STPG2: variants seen among roughly 807,000 people sequenced by gnomAD.
STPG2 encodes the protein sperm tail PG-rich repeat containing 2.
Under a neutral mutation model 54.2 loss-of-function variants are expected in STPG2, and 56 were observed. The ratio of observed to expected loss-of-function variants is 1.03; its 90% confidence interval spans 0.83 to 1.29. STPG2 has a LOEUF of 1.29. STPG2 is among the 50% of genes most tolerant of loss of function. The pLI is 0.00. For missense variants in STPG2, 596 were observed against 544.9 expected, an observed-to-expected ratio of 1.09 and a Z score of -0.93; for synonymous variants, 200 against 181.8, an observed-to-expected ratio of 1.10 and a Z score of -0.81.
chr4:97,829,866 G>T (rs992669874), intron 9 of STPG2, among the ~76,000 whole-genome samples: 3 of 152,082 alleles, frequency 2.0e-5, no homozygotes, highest in African/African-American at 7.2e-5. Flanking sequence ...AAGAAATATG[G>T]AACTGTGTAA....
intron 9 of STPG2, among the ~76,000 whole-genome samples, chr4:97,813,066 C>T (rs1486855097): frequency 6.6e-6 from 1 of 151,992 alleles, no homozygotes; most frequent in Non-Finnish European, 1.5e-5. Flanking sequence ...TCAAAAATAT[C>T]CCAATCTTAA....
intron 8 of STPG2, among the ~76,000 whole-genome samples, chr4:97,935,060 C>T (rs780191759): frequency 3.3e-5 from 5 of 152,022 alleles, no homozygotes; most frequent in Admixed American, 6.6e-5. Context: ...TTCAAGGATT[C>T]GACTTCTTCC....
chr4:98,100,334 T>G (rs935449067), intron 5 of STPG2, among the ~76,000 whole-genome samples: 2 of 152,186 alleles, frequency 1.3e-5, no homozygotes, highest in African/African-American at 4.8e-5. Context: ...GGATGTTAGA[T>G]AAATATATCA....
At chr4:97,652,926 G>A (rs1426144325) in intron 10 of STPG2, among the ~76,000 whole-genome samples, 1 of 151,982 alleles carries the variant, frequency 6.6e-6, no homozygotes, top group African/African-American at 2.4e-5. Flanking sequence ...ACTAAGAGAG[G>A]AGTTTTTGTC....
At chr4:97,558,789 T>G, downstream of STPG2, 1 of 368,870 alleles carries the variant, frequency 2.7e-6, no homozygotes. Flanking sequence ...TATGAGATAA[T>G]AAATGTTACT....
At chr4:97,693,969 T>C (rs755019313) in intron 10 of STPG2, among the ~76,000 whole-genome samples, 12 of 152,102 alleles carry the variant, frequency 7.9e-5, no homozygotes, top group Non-Finnish European at 1.3e-4. Flanking sequence ...AACTGAATGA[T>C]AATAGTGACA....
chr4:97,906,403 C>A (rs1348279903), intron 8 of STPG2, among the ~76,000 whole-genome samples: 1 of 152,230 alleles, frequency 6.6e-6, no homozygotes, highest in East Asian at 1.9e-4. Flanking sequence ...GAGTCCAGGA[C>A]CAGATGGATT....
At chr4:97,866,415 G>T (rs1185541174) in intron 8 of STPG2, among the ~76,000 whole-genome samples, 1 of 151,792 alleles carries the variant, frequency 6.6e-6, no homozygotes, top group Non-Finnish European at 1.5e-5. Flanking sequence ...TGTTTTAAAA[G>T]AAAATCATTT....
chr4:97,818,669 T>A (rs1727991885), intron 9 of STPG2, among the ~76,000 whole-genome samples: 1 of 151,906 alleles, frequency 6.6e-6, no homozygotes, highest in Non-Finnish European at 1.5e-5. Context: ...TTAATTCTAT[T>A]ATCCTAATTT....
At chr4:97,729,063 T>TCTCTCTCTCTCTCTC (rs1724710920) in intron 9 of STPG2, among the ~76,000 whole-genome samples, 15 of 124,920 alleles carry the variant, frequency 1.2e-4, no homozygotes, top group Non-Finnish European at 1.4e-4. Context: ...CCCCAAGAAT[T>TCTCTCTCTCTCTCTC]TCTCTCTCTC....
chr4:97,830,599 G>A (rs1181507343), intron 9 of STPG2, among the ~76,000 whole-genome samples: 1 of 152,110 alleles, frequency 6.6e-6, no homozygotes, highest in Non-Finnish European at 1.5e-5. Context: ...AAAGAGTCAA[G>A]ACCCATTGGT....
intron 10 of STPG2, among the ~76,000 whole-genome samples, chr4:97,630,053 T>G (rs112880770): frequency 0.015 from 2,268 of 152,062 alleles, 52 homozygotes; most frequent in African/African-American, 0.052. Flanking sequence ...AGGTTTATAA[T>G]CCATATAAAT....
chr4:98,072,570 TAATAAAATAAAATAA>T (rs10646385), intron 5 of STPG2, among the ~76,000 whole-genome samples: 59,081 of 144,786 alleles, frequency 0.41, 13,013 homozygotes, highest in Admixed American at 0.54. Flanking sequence ...GAAGGGAAAA[TAATAAAATAAAATAA>T]AATAAAATAA....
intron 8 of STPG2, among the ~76,000 whole-genome samples, chr4:97,844,038 T>C (rs943278029): frequency 3.3e-5 from 5 of 151,866 alleles, no homozygotes; most frequent in African/African-American, 7.2e-5. Flanking sequence ...TGAAACCTCC[T>C]GATTTCATAC....
At chr4:97,585,203 A>C (rs1221278814) in intron 10 of STPG2, among the ~76,000 whole-genome samples, 1 of 151,678 alleles carries the variant, frequency 6.6e-6, no homozygotes, top group Non-Finnish European at 1.5e-5. Flanking sequence ...CCAGGGATGC[A>C]GGGATGGTTT....
chr4:97,963,787 A>G (rs1733988719), intron 7 of STPG2, among the ~76,000 whole-genome samples: 1 of 152,080 alleles, frequency 6.6e-6, no homozygotes, highest in African/African-American at 2.4e-5. Context: ...TAGAAATTAA[A>G]GACAAATATC....
At chr4:97,925,188 A>G (rs568924956) in intron 8 of STPG2, among the ~76,000 whole-genome samples, 17 of 152,198 alleles carry the variant, frequency 1.1e-4, no homozygotes, top group Non-Finnish European at 1.9e-4. Flanking sequence ...TTCTCTTCAC[A>G]ATCTATATAA....
intron 9 of STPG2, among the ~76,000 whole-genome samples, chr4:97,733,097 A>G (rs1724860039): frequency 6.6e-6 from 1 of 152,128 alleles, no homozygotes; most frequent in Non-Finnish European, 1.5e-5. Flanking sequence ...TATCTATCCA[A>G]AGGAAAAAAA....
At chr4:97,755,970 G>C (rs570670395) in intron 9 of STPG2, among the ~76,000 whole-genome samples, 1 of 152,288 alleles carries the variant, frequency 6.6e-6, no homozygotes, top group South Asian at 2.1e-4. Flanking sequence ...CCATGACATA[G>C]ATAAGCCCTT....
Sources: allele counts gnomAD v4.1 joint callset (sites outside exome capture counted in the v4.1 genomes callset), GRCh38; gene constraint gnomAD v4.1.1; transcripts MANE v1.5; gene names NCBI Gene and HGNC (gene_info 2026-07-23, HGNC 2026-07-21).